Variants in CYSLTR1 observed in about 807,000 individuals in gnomAD.
The protein encoded by CYSLTR1 is cysteinyl leukotriene receptor 1.
Under a neutral mutation model 2.1 loss-of-function variants are expected in CYSLTR1, and 1 was observed. The observed-to-expected ratio is 0.48, with a 90% CI of 0.17 to 2.28. The LOEUF (loss-of-function observed/expected upper bound fraction) is 2.28. CYSLTR1 is among the 30% of genes most tolerant of loss of function. CYSLTR1 has a pLI of 0.26. For missense variants in CYSLTR1, 299 were observed against 250.1 expected (o/e 1.20, Z -1.32); for synonymous variants, 110 against 89.6 (o/e 1.23, Z -1.28).
chrX:78,297,570 A>G (rs1424479856), intron 1 of CYSLTR1, among the ~76,000 whole-genome samples: 1 of 110,460 alleles, frequency 9.1e-6, no homozygotes, highest in African/African-American at 3.3e-5. Flanking sequence ...TTTGTTATTG[A>G]TCTGTTCAGG....
In CYSLTR1 at chrX:78,283,452, A is replaced by G. The variant is rs2149185183; in HGVS notation, c.-28+2T>C. The stretch of plus-strand genomic sequence containing the variant: ...AAGTTCATTTGGAAAATTCAGGTAT[A>G]CCTCTTTCTGGCACTGGAGTACCTT... On this transcript the variant is annotated splice_donor_variant, in intron 2 of 2. Transcript: ENST00000373304. LOFTEE classifies it low-confidence loss of function (5UTR_SPLICE). 8.9e-6 allele frequency: 1 copy of G among 112,675 alleles called. No individual in the cohort carries two copies. The highest frequency in any genetic ancestry group is 3.6e-4 in the South Asian group (1 of 2,740). 9.3% of individuals were successfully genotyped at this position (112,675 alleles called of 1,213,427 possible). A position where few individuals can be genotyped will look rare whatever the true frequency, so the allele number is the denominator to read the frequency against.
chrX:78,296,708 T>C (rs769714429), intron 1 of CYSLTR1, among the ~76,000 whole-genome samples: 2 of 111,780 alleles, frequency 1.8e-5, no homozygotes, highest in African/African-American at 6.5e-5. Flanking sequence ...TGTTGGCTTA[T>C]AGAAATGCTA....
At chrX:78,319,781 C>G (rs1923568041) in intron 1 of CYSLTR1, 1 of 111,830 alleles carries the variant, frequency 8.9e-6, no homozygotes, top group South Asian at 3.7e-4. Flanking sequence ...TCTGTTGTTT[C>G]CTTACTTTTT....
At chrX:78,318,612 A>G (rs1182048939) in intron 1 of CYSLTR1, among the ~76,000 whole-genome samples, 1 of 112,237 alleles carries the variant, frequency 8.9e-6, no homozygotes, top group African/African-American at 3.2e-5. Context: ...TGACTTACCT[A>G]AACTTTAGTC....
Position 78,275,413 on chromosome X carries a change from G to A in CYSLTR1, c.-27-1640C>T, listed in dbSNP as rs771209694. 2.7e-5 allele frequency among the ~76,000 whole-genome samples: 3 copies of A among 111,775 alleles called. No homozygotes were observed. In the South Asian group the frequency reaches 1.1e-3, roughly 42 times the overall value. On this transcript the variant is annotated intron_variant, in intron 2 of 2. Coordinates refer to ENST00000373304, the MANE Select transcript of CYSLTR1 (RefSeq NM_006639.4). ...ACTATGCAGCCATAAAAAATGATGA[G>A]TTCATGTCCTTTGTAGGGACGTGGA...
At chrX:78,297,256 T>G (rs1284625816) in intron 1 of CYSLTR1, among the ~76,000 whole-genome samples, 2 of 112,099 alleles carry the variant, frequency 1.8e-5, no homozygotes, top group Admixed American at 9.4e-5. Context: ...TCAAGATGAA[T>G]GATCTTTGTA....
At chrX:78,297,359 G>A (rs1922616029) in intron 1 of CYSLTR1, among the ~76,000 whole-genome samples, 1 of 111,013 alleles carries the variant, frequency 9.0e-6, no homozygotes, top group Admixed American at 9.6e-5. Flanking sequence ...CTTTTTTGAT[G>A]TATGTTTGTT....
At chrX:78,295,391 G>GGGGT (rs1922534366) in intron 1 of CYSLTR1, among the ~76,000 whole-genome samples, 1 of 106,239 alleles carries the variant, frequency 9.4e-6, no homozygotes, top group Non-Finnish European at 1.9e-5. Flanking sequence ...TTTTTTTGCG[G>GGGGT]GGGTGGGGTA....
At chrX:78,295,929 T>C (rs956654003) in intron 1 of CYSLTR1, among the ~76,000 whole-genome samples, 1 of 111,533 alleles carries the variant, frequency 9.0e-6, no homozygotes, top group Non-Finnish European at 1.9e-5. Context: ...TTTTTTGCTC[T>C]GGTTGCCTGT....
intron 1 of CYSLTR1, among the ~76,000 whole-genome samples, chrX:78,291,947 GT>G (rs1304380755): frequency 9.2e-6 from 1 of 109,051 alleles, no homozygotes; most frequent in Non-Finnish European, 1.9e-5. Flanking sequence ...TTTTTGAAGA[GT>G]TTTTTTGTGT....
rs755599646 is a variant in CYSLTR1, at chrX:78,294,716, G to A, written c.-114-11176C>T. On this transcript the variant is annotated intron_variant, in intron 1 of 2. Coordinates refer to ENST00000373304, the MANE Select transcript of CYSLTR1 (RefSeq NM_006639.4). ...ATGCCCCTCCACCCAGCAGGCTGAA[G>A]CCTCACAGGTTGATCTCAGGCTGCT... Among the ~76,000 whole-genome samples, 17 of 112,772 alleles carry A rather than the reference G, an allele frequency of 1.5e-4. 1 individual carries two copies. In the South Asian group the frequency reaches 6.2e-3, roughly 41 times the overall value.
At chrX:78,315,248 T>C (rs1317807425) in intron 1 of CYSLTR1, among the ~76,000 whole-genome samples, 2 of 109,266 alleles carry the variant, frequency 1.8e-5, no homozygotes, top group African/African-American at 6.7e-5. Context: ...GGGCCTTGAA[T>C]AAACAGAAAT....
At chrX:78,281,078 T>C (rs1921819670) in intron 2 of CYSLTR1, among the ~76,000 whole-genome samples, 1 of 111,667 alleles carries the variant, frequency 9.0e-6, no homozygotes, top group Non-Finnish European at 1.9e-5. Context: ...TAGAATGATT[T>C]ATATTCCTTT....
At chrX:78,303,491 C>A (rs979037430) in intron 1 of CYSLTR1, among the ~76,000 whole-genome samples, 1 of 109,861 alleles carries the variant, frequency 9.1e-6, no homozygotes, top group Non-Finnish European at 1.9e-5. Flanking sequence ...GTGGAGCCTT[C>A]TATTTTACCA....
At chrX:78,288,900 T>G (rs938082609) in intron 1 of CYSLTR1, among the ~76,000 whole-genome samples, 1 of 110,746 alleles carries the variant, frequency 9.0e-6, no homozygotes, top group Non-Finnish European at 1.9e-5. Flanking sequence ...CAACTGTCTA[T>G]ATCCATGAGT....
chrX:78,300,390 T>A (rs1204384877), intron 1 of CYSLTR1, among the ~76,000 whole-genome samples: 1 of 112,781 alleles, frequency 8.9e-6, no homozygotes, highest in Admixed American at 9.4e-5. Flanking sequence ...AAAAATTAGG[T>A]ATTTATTTCA....
intron 1 of CYSLTR1, chrX:78,321,700 A>AC (rs1923668896): frequency 9.2e-6 from 1 of 108,367 alleles, no homozygotes; most frequent in African/African-American, 3.4e-5. Context: ...CAAAAAAAAA[A>AC]AAAAAGGCAT....
In CYSLTR1 at chrX:78,272,654, T is replaced by A; in HGVS notation, c.*79A>T. 6 of 994,685 alleles carry A rather than the reference T, an allele frequency of 6.0e-6. No homozygotes were observed. The highest frequency in any genetic ancestry group is 7.9e-6 in the Non-Finnish European group (6 of 757,983). 82.0% of individuals were successfully genotyped at this position (994,685 alleles called of 1,213,427 possible). ...TTTGTAAAATATTAAGTAAAATTTT[T>A]ATTTTTTTTGTAAATGATTTGACAA... On this transcript the variant is annotated 3_prime_UTR_variant, in exon 3 of 3. Transcript: ENST00000373304.
At chrX:78,312,097 T>G (rs1162850157) in intron 1 of CYSLTR1, among the ~76,000 whole-genome samples, 4 of 111,407 alleles carry the variant, frequency 3.6e-5, no homozygotes, top group Admixed American at 9.6e-5. Context: ...AAGACTACAG[T>G]AACCAAAATA....
Sources: allele counts gnomAD v4.1 joint callset (sites outside exome capture counted in the v4.1 genomes callset), GRCh38; gene constraint gnomAD v4.1.1; transcripts MANE v1.5; gene names NCBI Gene and HGNC (gene_info 2026-07-23, HGNC 2026-07-21).